The following KIF1B variants were observed in gnomAD, a reference collection of about 807,000 sequenced individuals.
The protein encoded by KIF1B is kinesin-like protein KIF1B.
Under a neutral mutation model 241.9 loss-of-function variants are expected in KIF1B, and 76 were observed. The observed-to-expected ratio is 0.31, with a 90% CI of 0.26 to 0.38. The LOEUF (loss-of-function observed/expected upper bound fraction) is 0.38, where lower values mean the gene tolerates loss of function less well. Among genes scored for constraint, KIF1B ranks in the 10% least tolerant of loss-of-function variants. The pLI is 1.00. For synonymous variants in KIF1B, 750 were observed against 796.7 expected (o/e 0.94, Z 0.99); for missense variants, 1,622 against 2,271.4 (o/e 0.71, Z 5.81).
At chr1:10,361,569 T>C in intron 39 of KIF1B, 123 bp from the exon 40 acceptor site, 1 of 1,133,308 alleles carries the variant, frequency 8.8e-7, no homozygotes, top group Non-Finnish European at 1.3e-6. Flanking sequence ...GTTGAAATAA[T>C]TGGTGGAGCT....
chr1:10,255,363 G>T (rs917489096), intron 2 of KIF1B, among the ~76,000 whole-genome samples: 4 of 151,830 alleles, frequency 2.6e-5, no homozygotes, highest in African/African-American at 7.3e-5. Flanking sequence ...GCGGAGATGC[G>T]CAGATCACCT....
At position 10,299,044 on chromosome 1, in the gene KIF1B, C is replaced by T. The variant is rs977132558; in HGVS notation, c.2115+1798C>T. ...GCATGGCCCCTGCGCAAGGATGACA[C>T]GCAAATTCGTGAAGCGTTCCATATT... On this transcript the variant is annotated intron_variant, in intron 22 of 48. Transcript: ENST00000676179. The T allele has an allele frequency of 6.3e-5, 9 of 143,226 alleles. 1 individual carries two copies. The East Asian group carries it at 8.0e-4, about 13-fold the overall frequency. The allele number at this position is 143,226 out of a possible 1,614,324, so 8.9% of individuals were successfully genotyped here. A position where few individuals can be genotyped will look rare whatever the true frequency, so the allele number is the denominator to read the frequency against.
chr1:10,215,279 C>A (rs776735985), intron 1 of KIF1B, among the ~76,000 whole-genome samples: 2 of 144,806 alleles, frequency 1.4e-5, no homozygotes, highest in South Asian at 4.5e-4. Context: ...CAGGTTCAAG[C>A]GGTTCTCCTG....
rs761068179 is a variant in KIF1B at position 10,256,272 on chromosome 1, G to A, written c.132G>A (p.Lys44=). 1 of 1,611,776 alleles carries A rather than the reference G, an allele frequency of 6.2e-7. No homozygotes were observed. Among genetic ancestry groups the A allele is most frequent in the Non-Finnish European group, 8.5e-7 (1 of 1,177,870 alleles). ...STSIINPKNP[K]EAPKSFSFDY... is the part of the protein sequence containing the mutation. ...GTATTATTAACCCAAAGAATCCAAA[G>A]GAAGCTCCAAAGTCCTTCAGCTTCG... The change falls in exon 3 of 49, where the codon AAG becomes AAA. Residue 44 remains lysine, a synonymous_variant. Transcript: ENST00000676179.
Position 10,361,730 on chromosome 1 carries a change from T to TG in KIF1B, c.4210dup (p.Val1404GlyfsTer20). On this transcript the variant is annotated frameshift_variant, in exon 40 of 49. Coordinates refer to ENST00000676179, the MANE Select transcript of KIF1B (RefSeq NM_001365951.3). LOFTEE classifies it high-confidence loss of function. ...TCCAGCCGGCTGTCATCACCAAGGATGTGTGCATGGTCTTCTACTCCCGAG... is the reference window on the plus strand; with the variant it reads ...TCCAGCCGGCTGTCATCACCAAGGATGGTGTGCATGGTCTTCTACTCCCGAG... 6.2e-7 allele frequency: 1 copy of TG among 1,614,100 alleles called. No homozygotes were observed. Among genetic ancestry groups the TG allele is most frequent in the Non-Finnish European group, 8.5e-7 (1 of 1,180,030 alleles).
At chr1:10,308,594 T>C (rs1274091391) in intron 22 of KIF1B, 2 of 1,014,772 alleles carry the variant, frequency 2.0e-6, no homozygotes, top group Non-Finnish European at 2.4e-6. Flanking sequence ...AAGTCATCTT[T>C]TAAGAGTGTG....
chr1:10,361,386 A>C (rs1439742962), intron 39 of KIF1B, among the ~76,000 whole-genome samples: 9 of 152,186 alleles, frequency 5.9e-5, no homozygotes, highest in Admixed American at 5.9e-4. Context: ...CCCAAGACCC[A>C]GCCTGTCGGT....
intron 9 of KIF1B, chr1:10,272,513 T>C (rs1437663707): frequency 4.6e-6 from 3 of 648,912 alleles, no homozygotes; most frequent in African/African-American, 3.6e-5. Context: ...AGAACAAAAG[T>C]AAATATAGAT....
intron 32 of KIF1B, among the ~76,000 whole-genome samples, chr1:10,340,367 C>T (rs574380899): frequency 5.3e-5 from 8 of 152,304 alleles, no homozygotes; most frequent in Admixed American, 6.5e-5. Context: ...CCCTCTCTTA[C>T]GTGAAATTTC....
intron 2 of KIF1B, among the ~76,000 whole-genome samples, chr1:10,242,355 G>A (rs938685660): frequency 3.5e-4 from 53 of 152,094 alleles, no homozygotes; most frequent in Admixed American, 2.2e-3. Context: ...TACTCCATAC[G>A]TAGGCTCTGT....
At position 10,303,684 on chromosome 1, in the gene KIF1B, C is replaced by G. The variant is rs534187817; in HGVS notation, c.2115+6438C>G. On this transcript the variant is annotated intron_variant, in intron 22 of 48. Transcript: ENST00000676179. The surrounding 1 kb of genome is among the most constrained non-coding windows in gnomAD (Gnocchi z 5.2). ...AGCTGGAAGATATTTTGCAAGAAGT[C>G]AAAAAGCAAAATAACATGAAAGACG... The G allele has an allele frequency of 5.6e-6, 9 of 1,613,790 alleles. No individual in the cohort carries two copies. In the East Asian group the frequency reaches 1.6e-4, roughly 28 times the overall value.
chr1:10,341,628 G>A (rs1652395388), intron 32 of KIF1B, among the ~76,000 whole-genome samples: 1 of 151,852 alleles, frequency 6.6e-6, no homozygotes, highest in Admixed American at 6.6e-5. Flanking sequence ...GTTTTTTGTT[G>A]CAAGAGTCCT....
At chr1:10,262,958 C>T (rs932849819) in intron 5 of KIF1B, among the ~76,000 whole-genome samples, 1 of 152,130 alleles carries the variant, frequency 6.6e-6, no homozygotes, top group African/African-American at 2.4e-5. Context: ...TTACTTTATA[C>T]ACATTTGCTT....
intron 10 of KIF1B, among the ~76,000 whole-genome samples, chr1:10,273,398 A>G (rs1420564097): frequency 6.6e-6 from 1 of 152,186 alleles, no homozygotes; most frequent in Non-Finnish European, 1.5e-5. Context: ...TACTAAAAAT[A>G]CAAAAATTAG....
At chr1:10,228,283 G>C (rs552390960) in intron 1 of KIF1B, among the ~76,000 whole-genome samples, 3 of 152,092 alleles carry the variant, frequency 2.0e-5, no homozygotes, top group African/African-American at 7.2e-5. Flanking sequence ...CTAGATGTAT[G>C]CTTAATTCTG....
At position 10,210,716 on chromosome 1, in the gene KIF1B, G is replaced by A. The variant is rs533237549; in HGVS notation, c.-242G>A. ...CCGCCCACCGCCCACCTCCCACCTC[G>A]ATGCGGTGCCGGGCTGCTGCGTGAT... On this transcript the variant is annotated 5_prime_UTR_variant, in exon 1 of 49. Transcript: ENST00000676179. This position sits in a 1 kb window ranked among gnomAD's most constrained non-coding sequence, Gnocchi z 4.1. 6.6e-6 allele frequency: 1 copy of A among 151,202 alleles called. No individual in the cohort carries two copies. The highest frequency in any genetic ancestry group is 1.5e-5 in the Non-Finnish European group (1 of 67,798). 9.4% of individuals were successfully genotyped at this position (151,202 alleles called of 1,614,324 possible). A position where few individuals can be genotyped will look rare whatever the true frequency, so the allele number is the denominator to read the frequency against.
chr1:10,323,859 T>C (rs1160207826), intron 24 of KIF1B, 25 bp from the exon 25 acceptor site: 2 of 1,594,606 alleles, frequency 1.3e-6, no homozygotes, highest in African/African-American at 2.7e-5. Flanking sequence ...AAACCATTTG[T>C]CAATGGTTTA....
intron 22 of KIF1B, among the ~76,000 whole-genome samples, chr1:10,302,783 T>G (rs1359234235): frequency 6.6e-6 from 1 of 152,206 alleles, no homozygotes; most frequent in Non-Finnish European, 1.5e-5. Context: ...CTTCATTTTC[T>G]TCGAATAGTG....
chr1:10,252,474 A>G (rs1647513547), intron 2 of KIF1B, among the ~76,000 whole-genome samples: 1 of 151,888 alleles, frequency 6.6e-6, no homozygotes, highest in Non-Finnish European at 1.5e-5. Flanking sequence ...GCAGTGGCAC[A>G]ATCTTGGCTA....
Sources: gnomAD v4.1 joint callset for allele counts (sites outside exome capture counted in the v4.1 genomes callset) on GRCh38, gnomAD v4.1.1 for gene constraint, Gnocchi (gnomAD v3.1) non-coding constraint, MANE v1.5 for transcripts, NCBI Gene and HGNC (gene_info 2026-07-23, HGNC 2026-07-21) for gene names.